The following UNC79 variants were observed in gnomAD, a reference collection of about 807,000 sequenced individuals.
UNC79 encodes the protein unc-79 subunit of NALCN channel complex, also known as protein unc-79 homolog.
Under a neutral mutation model 283.1 loss-of-function variants are expected in UNC79, and 37 were observed. That is an observed-to-expected ratio of 0.13 (90% CI 0.10 to 0.17). The LOEUF is 0.17. UNC79 is among the 10% of genes least tolerant of loss of function. The pLI, the probability that UNC79 is intolerant of heterozygous loss-of-function variation, is 1.00. For synonymous variants in UNC79, 1,107 were observed against 1,200.2 expected, an observed-to-expected ratio of 0.92 and a Z score of 1.61; for missense variants, 2,272 against 3,211.1, an observed-to-expected ratio of 0.71 and a Z score of 7.07.
In UNC79 at chr14:93,617,014, T is replaced by C. The variant is rs1224421995; in HGVS notation, c.4042-108T>C. On this transcript the variant is annotated intron_variant, in intron 27 of 48. Coordinates refer to ENST00000555664, the Ensembl canonical transcript of UNC79. This position sits in a 1 kb window ranked among gnomAD's most constrained non-coding sequence, Gnocchi z 4.5. ...TATTCTGTGGGATGCCTGTTAAATA[T>C]TTTGCCTGTTAAAAATTTTAACCAC... 1.9e-5 allele frequency: 18 copies of C among 935,078 alleles called. No individual in the cohort carries two copies. Among genetic ancestry groups the C allele is most frequent in the Non-Finnish European group, 1.6e-6 (1 of 635,438 alleles). The allele number at this position is 935,078 out of a possible 1,614,324, so 57.9% of individuals were successfully genotyped here.
intron 4 of UNC79, among the ~76,000 whole-genome samples, chr14:93,486,624 A>G (rs1351520643): frequency 2.8e-5 from 4 of 143,628 alleles, no homozygotes; most frequent in Non-Finnish European, 4.5e-5. Flanking sequence ...ACTGCACTCC[A>G]GCCTGGGCAA....
rs753019127 is a variant in UNC79 at position 93,600,519 on chromosome 14, T to C, written c.3373-50T>C. ...TATCGGCTTTGAAGTAACTTAGATGTTTATATCTGACTTTCTTCTTTTCTT... is the reference window on the plus strand; with the variant it reads ...TATCGGCTTTGAAGTAACTTAGATGCTTATATCTGACTTTCTTCTTTTCTT... On this transcript the variant is annotated intron_variant, in intron 24 of 48. Transcript: ENST00000555664. 3.0e-5 allele frequency: 44 copies of C among 1,447,892 alleles called. No homozygotes were observed. In the Admixed American group the frequency reaches 8.6e-4, roughly 28 times the overall value. The allele number at this position is 1,447,892 out of a possible 1,614,324, so 89.7% of individuals were successfully genotyped here.
intron 2 of UNC79, 87 bp downstream of exon 2, chr14:93,467,878 A>G (rs1256424410): frequency 2.0e-5 from 28 of 1,382,324 alleles, no homozygotes; most frequent in Non-Finnish European, 2.6e-5. Flanking sequence ...TTGAATTGCA[A>G]GTTTTAAAGG....
At chr14:93,398,857 C>T (rs1156481383) in intron 1 of UNC79, among the ~76,000 whole-genome samples, 1 of 152,010 alleles carries the variant, frequency 6.6e-6, no homozygotes. Flanking sequence ...TACCCACAGA[C>T]AGGAGGGAAG....
In UNC79 at chr14:93,621,999, T is replaced by C; in HGVS notation, c.4766T>C (p.Phe1589Ser). 1.2e-6 allele frequency: 2 copies of C among 1,614,044 alleles called. No homozygotes were observed. Among genetic ancestry groups the C allele is most frequent in the Non-Finnish European group, 1.7e-6 (2 of 1,180,008 alleles). ...GTTAGGTTAAACTGTATGGAGACTT[T>C]CGAGGTGAAAGTTGACTCGCCGGTA... Residue 1589 changes from phenylalanine (F) to serine (S), a missense_variant, in exon 30 of 49, where the codon TTC becomes TCC. This residue lies in a region of UNC79 where 580 missense variants were observed against 632.2 expected (regional missense o/e 0.92). Coordinates refer to ENST00000555664, the Ensembl canonical transcript of UNC79. The surrounding 1 kb of genome is among the most constrained non-coding windows in gnomAD (Gnocchi z 4.8).
chr14:93,348,050 T>C, intron 1 of UNC79: 2 of 1,612,032 alleles, frequency 1.2e-6, no homozygotes, highest in Non-Finnish European at 1.7e-6. Context: ...GGACTTGTGG[T>C]GTTTTTTACG....
At chr14:93,452,703 A>G (rs2056682802) in intron 1 of UNC79, among the ~76,000 whole-genome samples, 1 of 152,130 alleles carries the variant, frequency 6.6e-6, no homozygotes, top group African/African-American at 2.4e-5. Context: ...TTTTAAATTG[A>G]TAACAATTTT....
intron 30 of UNC79, among the ~76,000 whole-genome samples, chr14:93,624,209 C>T (rs911988933): frequency 6.6e-6 from 1 of 152,118 alleles, no homozygotes; most frequent in African/African-American, 2.4e-5. Context: ...TCTAGCTGCC[C>T]TTTAGCTCCT....
chr14:93,494,231 T>A (rs1309568405), intron 5 of UNC79, among the ~76,000 whole-genome samples: 3 of 152,044 alleles, frequency 2.0e-5, no homozygotes, highest in Non-Finnish European at 4.4e-5. Context: ...TTGTGAGAAC[T>A]CTATCATGAG....
chr14:93,500,658 C>T lies in UNC79; in HGVS notation c.898+3372C>T, dbSNP rs552712362. 3.8e-4 allele frequency among the ~76,000 whole-genome samples: 58 copies of T among 152,214 alleles called. No homozygotes were observed. The South Asian group carries it at 0.012, about 31-fold the overall frequency. On this transcript the variant is annotated intron_variant, in intron 7 of 48. Transcript: ENST00000555664. ...AAACCTTACAAAAATATTGGGAAGT[C>T]AGTTGTCCTATTTCTGTTCTACAAA...
At chr14:93,622,816 C>A (rs751230629) in exon 30 of UNC79, 1 of 1,613,842 alleles carries the variant, frequency 6.2e-7, no homozygotes, top group Admixed American at 1.7e-5. Flanking sequence ...ACATTCTGGA[C>A]AAACTGGGAG....
upstream of UNC79, among the ~76,000 whole-genome samples, chr14:93,427,975 G>C (rs1595462287): frequency 6.6e-6 from 1 of 152,292 alleles, no homozygotes; most frequent in East Asian, 1.9e-4. Flanking sequence ...TGGGCAAAAA[G>C]TTTGGAGAAG....
At chr14:93,597,285 C>G (rs779742708) in intron 23 of UNC79, 74 bp from the exon 24 acceptor site, 9 of 1,493,840 alleles carry the variant, frequency 6.0e-6, no homozygotes, top group Non-Finnish European at 8.2e-6. Flanking sequence ...CTCAGACTGG[C>G]TAAATAAATG....
chr14:93,392,107 T>G (rs1165984757), intron 1 of UNC79, among the ~76,000 whole-genome samples: 2 of 152,204 alleles, frequency 1.3e-5, no homozygotes, highest in South Asian at 4.1e-4. Context: ...TATCCACATA[T>G]GCAATGGGAG....
intron 19 of UNC79, among the ~76,000 whole-genome samples, chr14:93,581,735 G>A (rs895207613): frequency 4.0e-5 from 6 of 151,550 alleles, no homozygotes; most frequent in African/African-American, 1.2e-4. Flanking sequence ...CTCGTGATCC[G>A]CCCACCTCGG....
At chr14:93,610,584 A>T (rs2139722746) in intron 26 of UNC79, among the ~76,000 whole-genome samples, 1 of 152,128 alleles carries the variant, frequency 6.6e-6, no homozygotes, top group South Asian at 2.1e-4. Flanking sequence ...ACAAATCTAG[A>T]GTAAATATTT....
chr14:93,624,590 T>C (rs2067407224), intron 30 of UNC79, among the ~76,000 whole-genome samples: 1 of 152,236 alleles, frequency 6.6e-6, no homozygotes, highest in Non-Finnish European at 1.5e-5. Flanking sequence ...TGTTTGATTG[T>C]TCCCCAGACT....
chr14:93,660,563 A>G (rs5012148), intron 39 of UNC79, among the ~76,000 whole-genome samples: 12,366 of 62,702 alleles, frequency 0.2, 1,399 homozygotes, highest in East Asian at 0.31. Context: ...ATATATATAT[A>G]TGTGTGTGTG....
intron 1 of UNC79, among the ~76,000 whole-genome samples, chr14:93,363,432 T>C (rs2054264920): frequency 6.6e-6 from 1 of 152,212 alleles, no homozygotes; most frequent in Non-Finnish European, 1.5e-5. Flanking sequence ...GAAGAATGCA[T>C]ATACTGTTGT....
Sources: allele counts gnomAD v4.1 joint callset (sites outside exome capture counted in the v4.1 genomes callset), GRCh38; gene constraint gnomAD v4.1.1; regional missense constraint gnomAD v4.1.1; non-coding constraint Gnocchi (gnomAD v3.1); transcripts MANE v1.5; gene names NCBI Gene and HGNC (gene_info 2026-07-23, HGNC 2026-07-21).